STPG2: variants seen among roughly 807,000 people sequenced by gnomAD.
STPG2 encodes the protein sperm tail PG-rich repeat containing 2.
A neutral mutation model predicts 54.2 loss-of-function variants in STPG2; 56 were observed. The ratio of observed to expected loss-of-function variants is 1.03; its 90% CI spans 0.83 to 1.29. The LOEUF (loss-of-function observed/expected upper bound fraction) is 1.29. Among genes scored for constraint, STPG2 ranks in the 50% most tolerant of loss-of-function variants. STPG2 has a pLI of 0.00. For missense variants in STPG2, 596 were observed against 544.9 expected (o/e 1.09, Z -0.93); for synonymous variants, 200 against 181.8 (o/e 1.10, Z -0.81).
chr4:97,460,296 C>A (rs1729630955), intron 4 of STPG2, among the ~76,000 whole-genome samples: 1 of 152,076 alleles, frequency 6.6e-6, no homozygotes, highest in South Asian at 2.1e-4. Context: ...CTATTTATTA[C>A]AATAGGCATG....
At chr4:97,883,311 C>T (rs1457027178) in intron 8 of STPG2, among the ~76,000 whole-genome samples, 1 of 151,326 alleles carries the variant, frequency 6.6e-6, no homozygotes, top group African/African-American at 2.4e-5. Context: ...TTGCTTGAGC[C>T]TGAGAGATCA....
intron 3 of STPG2, among the ~76,000 whole-genome samples, chr4:98,111,612 G>A (rs952869175): frequency 6.8e-4 from 103 of 152,144 alleles, no homozygotes; most frequent in African/African-American, 2.5e-3. Context: ...ACATCTGCCT[G>A]GCCTGAAAAA....
At chr4:97,737,160 A>G (rs1169973438) in intron 9 of STPG2, among the ~76,000 whole-genome samples, 2 of 152,218 alleles carry the variant, frequency 1.3e-5, no homozygotes, top group Non-Finnish European at 2.9e-5. Flanking sequence ...CCTGTCTGTT[A>G]GAAGGAAAAC....
intron 9 of STPG2, among the ~76,000 whole-genome samples, chr4:97,818,164 A>T (rs1389358766): frequency 6.6e-6 from 1 of 151,874 alleles, no homozygotes; most frequent in Admixed American, 6.6e-5. Context: ...GCCACACCAC[A>T]AGATGTTTGA....
chr4:98,134,234 G>A (rs1740073592), intron 2 of STPG2, 113 bp downstream of exon 2: 1 of 460,498 alleles, frequency 2.2e-6, no homozygotes, highest in African/African-American at 2.0e-5. Flanking sequence ...AATATAAATT[G>A]AAAGTGAAAG....
chr4:98,019,744 G>A lies in STPG2; in HGVS notation c.613-38426C>T, dbSNP rs1736108431. On this transcript the variant is annotated intron_variant, in intron 5 of 10. Coordinates refer to ENST00000295268, the MANE Select transcript of STPG2 (RefSeq NM_174952.3). ...AAGAGGTCCTTCACGTCCCTCGTAA[G>A]GTGGATTCCTAGGTATTTTATTCTC... is the stretch of plus-strand genomic sequence containing the variant. Among the ~76,000 whole-genome samples, 2 of 123,554 alleles carry A rather than the reference G, an allele frequency of 1.6e-5. 1 individual carries two copies. The highest frequency in any genetic ancestry group is 3.6e-5 in the Non-Finnish European group (2 of 56,116). The allele number at this position is 123,554 out of a possible 152,430, so 81.1% of individuals were successfully genotyped here.
At chr4:97,788,507 G>C (rs1338421870) in intron 9 of STPG2, among the ~76,000 whole-genome samples, 11 of 151,938 alleles carry the variant, frequency 7.2e-5, no homozygotes, top group Admixed American at 3.9e-4. Flanking sequence ...CCAAATCTTG[G>C]CTATTGTGAA....
Position 97,776,610 on chromosome 4 carries a change from T to C in STPG2, c.1205-63796A>G, listed in dbSNP as rs73832103. Among the ~76,000 whole-genome samples, 1,081 of 152,312 alleles carry C rather than the reference T, an allele frequency of 7.1e-3. 13 individuals carry two copies. Among genetic ancestry groups the C allele is most frequent in the African/African-American group, 0.024 (1,012 of 41,570 alleles). ...AAAGTTCCATTTGATGAGATCTGTCTAGTGTTCGGAAGAAGTGGCATTTAA... is the reference window on the plus strand; with the variant it reads ...AAAGTTCCATTTGATGAGATCTGTCCAGTGTTCGGAAGAAGTGGCATTTAA... On this transcript the variant is annotated intron_variant, in intron 9 of 10. Transcript: ENST00000295268.
intron 5 of STPG2, among the ~76,000 whole-genome samples, chr4:98,067,919 C>T (rs783963): frequency 0.48 from 72,447 of 152,012 alleles, 17,300 homozygotes; most frequent in Middle Eastern, 0.51. Context: ...CCATCTGTCA[C>T]TTATCATTGA....
intron 8 of STPG2, among the ~76,000 whole-genome samples, chr4:97,843,686 T>C (rs773107716): frequency 6.6e-6 from 1 of 151,932 alleles, no homozygotes; most frequent in Non-Finnish European, 1.5e-5. Flanking sequence ...ATAAAGACAG[T>C]GTTCCAGGAA....
At chr4:98,089,882 C>T (rs1056408781) in intron 5 of STPG2, among the ~76,000 whole-genome samples, 15 of 151,836 alleles carry the variant, frequency 9.9e-5, no homozygotes, top group Non-Finnish European at 2.1e-4. Flanking sequence ...CTTTGCCCCC[C>T]TTTTGATGGG....
intron 8 of STPG2, among the ~76,000 whole-genome samples, chr4:97,935,475 G>T (rs1215777153): frequency 6.6e-6 from 1 of 151,910 alleles, no homozygotes; most frequent in Non-Finnish European, 1.5e-5. Context: ...GTAATGTTAG[G>T]GTGTTGATTT....
chr4:97,970,220 A>C (rs1734275480), intron 7 of STPG2, among the ~76,000 whole-genome samples: 1 of 152,208 alleles, frequency 6.6e-6, no homozygotes, highest in Non-Finnish European at 1.5e-5. Context: ...TATTGTGAAA[A>C]TGGCCATACT....
intron 5 of STPG2, among the ~76,000 whole-genome samples, chr4:98,023,618 C>T (rs905660561): frequency 3.3e-5 from 5 of 152,156 alleles, no homozygotes; most frequent in African/African-American, 1.2e-4. Context: ...TTTGTCTGTG[C>T]CCTGCCCCCA....
chr4:98,121,483 T>C (rs1001878853), intron 3 of STPG2, among the ~76,000 whole-genome samples: 2 of 126,460 alleles, frequency 1.6e-5, no homozygotes, highest in Admixed American at 1.5e-4. Flanking sequence ...TTAGGCAATA[T>C]AGCCTTTTTC....
intron 9 of STPG2, among the ~76,000 whole-genome samples, chr4:97,771,309 G>C (rs928552586): frequency 6.6e-6 from 1 of 152,118 alleles, no homozygotes. Flanking sequence ...GTAACTCTAG[G>C]ATATAAGAAA....
intron 8 of STPG2, among the ~76,000 whole-genome samples, chr4:97,866,249 T>C (rs1024229432): frequency 6.6e-6 from 1 of 151,964 alleles, no homozygotes; most frequent in Non-Finnish European, 1.5e-5. Context: ...TAAAAGAGTA[T>C]AATTGAATTG....
At chr4:98,025,788 T>A in intron 5 of STPG2, 1 of 1,575,476 alleles carries the variant, frequency 6.3e-7, no homozygotes, top group Non-Finnish European at 8.6e-7. Flanking sequence ...GTGGAAAGCA[T>A]TGATGGTCCG....
rs966874771 is a variant in STPG2, at chr4:97,635,729, C to A, written c.1321-76612G>T. Among the ~76,000 whole-genome samples the A allele has an allele frequency of 4.6e-5, 7 of 151,158 alleles. No individual in the cohort carries two copies. The East Asian group carries it at 1.4e-3, about 29-fold the overall frequency. ...AAACAGACTTTAAACCAACAAAGATCGAAAGAGACAAAGAAGGCCATTACA... is the reference window on the plus strand; with the variant it reads ...AAACAGACTTTAAACCAACAAAGATAGAAAGAGACAAAGAAGGCCATTACA... On this transcript the variant is annotated intron_variant, in intron 10 of 10. Transcript: ENST00000295268.
Sources: gnomAD v4.1 joint callset for allele counts (sites outside exome capture counted in the v4.1 genomes callset) on GRCh38, gnomAD v4.1.1 for gene constraint, MANE v1.5 for transcripts, NCBI Gene and HGNC (gene_info 2026-07-23, HGNC 2026-07-21) for gene names.